The following CTNNA2 variants were observed in gnomAD, a reference collection of about 807,000 sequenced individuals.
CTNNA2 encodes the protein catenin alpha 2.
A neutral mutation model predicts 101.0 loss-of-function variants in CTNNA2; 42 were observed. The observed-to-expected ratio is 0.42, with a 90% CI of 0.32 to 0.54. The LOEUF is 0.54. CTNNA2 is among the 20% of genes least tolerant of loss of function. The probability of loss-of-function intolerance (pLI) is 0.14; values close to 1 mark genes in which losing one functional copy is unlikely to be tolerated. For missense variants in CTNNA2, 871 were observed against 1,223.1 expected, an observed-to-expected ratio of 0.71 and a Z score of 4.29; for synonymous variants, 450 against 456.4, an observed-to-expected ratio of 0.99 and a Z score of 0.18.
intron 3 of CTNNA2, among the ~76,000 whole-genome samples, chr2:79,808,316 T>A (rs1574020426): frequency 6.6e-6 from 1 of 152,106 alleles, no homozygotes; most frequent in African/African-American, 2.4e-5. Flanking sequence ...TTACACTGTG[T>A]TGCTGTTCAG....
At chr2:79,835,895 T>G (rs976076476) in intron 3 of CTNNA2, among the ~76,000 whole-genome samples, 2 of 152,058 alleles carry the variant, frequency 1.3e-5, no homozygotes, top group Non-Finnish European at 2.9e-5. Context: ...CATCCCAAAG[T>G]GTCAGAATTA....
At chr2:79,728,717 C>T (rs1254355356) in intron 2 of CTNNA2, among the ~76,000 whole-genome samples, 2 of 151,976 alleles carry the variant, frequency 1.3e-5, no homozygotes, top group African/African-American at 2.4e-5. Flanking sequence ...AGGTCTAATG[C>T]TTAAGTCTTT....
At chr2:79,839,775 T>C (rs1339603575) in intron 3 of CTNNA2, among the ~76,000 whole-genome samples, 1 of 152,162 alleles carries the variant, frequency 6.6e-6, no homozygotes, top group Non-Finnish European at 1.5e-5. Context: ...CCTTAGTTCA[T>C]ATTTTCAAGT....
intron 7 of CTNNA2, among the ~76,000 whole-genome samples, chr2:80,193,703 C>T (rs969945761): frequency 6.6e-6 from 1 of 152,130 alleles, no homozygotes; most frequent in African/African-American, 2.4e-5. Flanking sequence ...GTGGTTTGAG[C>T]TCTTATCATG....
At chr2:80,111,592 TGCAGTGTG>T (rs1381929488) in intron 7 of CTNNA2, among the ~76,000 whole-genome samples, 1 of 152,138 alleles carries the variant, frequency 6.6e-6, no homozygotes, top group Non-Finnish European at 1.5e-5. Flanking sequence ...CAGGCTAGAG[TGCAGTGTG>T]GCAAGATTAT....
At chr2:79,350,638 T>A (rs1483430968) in intron 3 of CTNNA2, among the ~76,000 whole-genome samples, 1 of 152,202 alleles carries the variant, frequency 6.6e-6, no homozygotes, top group Non-Finnish European at 1.5e-5. Flanking sequence ...TTCATTTTCC[T>A]TTAGATAGAT....
intron 7 of CTNNA2, among the ~76,000 whole-genome samples, chr2:80,282,499 A>G (rs966577498): frequency 2.6e-5 from 4 of 152,134 alleles, no homozygotes; most frequent in Non-Finnish European, 5.9e-5. Flanking sequence ...AGAAGTAGAT[A>G]GAATAATACA....
chr2:80,607,061 T>G (rs111982524), intron 16 of CTNNA2, among the ~76,000 whole-genome samples: 18 of 152,042 alleles, frequency 1.2e-4, no homozygotes, highest in African/African-American at 4.1e-4. Context: ...AAAATATCCC[T>G]TTATCATTTA....
intron 7 of CTNNA2, among the ~76,000 whole-genome samples, chr2:80,138,912 C>CT (rs1396062927): frequency 1.3e-5 from 2 of 152,026 alleles, no homozygotes; most frequent in African/African-American, 4.8e-5. Context: ...GCCCCTCTCC[C>CT]TTTTTTGCTG....
intron 7 of CTNNA2, among the ~76,000 whole-genome samples, chr2:80,143,631 T>G (rs1383427471): frequency 6.6e-6 from 1 of 152,106 alleles, no homozygotes; most frequent in African/African-American, 2.4e-5. Context: ...GAAGATAGAT[T>G]TCACGATATT....
intron 7 of CTNNA2, among the ~76,000 whole-genome samples, chr2:80,328,683 G>A (rs1671042903): frequency 6.6e-6 from 1 of 152,208 alleles, no homozygotes; most frequent in Admixed American, 6.5e-5. Context: ...GTGTGTGAAT[G>A]TATTTGTGCA....
chr2:79,278,163 G>C (rs1022320233), intron 2 of CTNNA2, among the ~76,000 whole-genome samples: 3 of 152,110 alleles, frequency 2.0e-5, no homozygotes, highest in African/African-American at 7.2e-5. Context: ...TGGCTGCAAA[G>C]CAGCTGGCGT....
At chr2:80,203,408 G>A (rs887043641) in intron 7 of CTNNA2, among the ~76,000 whole-genome samples, 1 of 152,170 alleles carries the variant, frequency 6.6e-6, no homozygotes, top group African/African-American at 2.4e-5. Flanking sequence ...ACAGACATTG[G>A]GTAAATACAC....
At chr2:80,444,737 G>C (rs571344226) in intron 9 of CTNNA2, among the ~76,000 whole-genome samples, 2 of 152,224 alleles carry the variant, frequency 1.3e-5, no homozygotes, top group African/African-American at 4.8e-5. Flanking sequence ...TACCTTGTGA[G>C]GACATAGCAA....
chr2:80,285,616 G>T (rs1348993735), intron 7 of CTNNA2, among the ~76,000 whole-genome samples: 1 of 152,070 alleles, frequency 6.6e-6, no homozygotes, highest in Non-Finnish European at 1.5e-5. Context: ...CCTTTATTTT[G>T]TCCCAGTGAG....
intron 7 of CTNNA2, among the ~76,000 whole-genome samples, chr2:80,307,498 T>C (rs1018382713): frequency 1.3e-5 from 2 of 152,148 alleles, no homozygotes; most frequent in African/African-American, 4.8e-5. Flanking sequence ...AAAGCTCACC[T>C]GAAGTTTTTT....
At chr2:80,490,287 C>CA (rs1330784785) in intron 9 of CTNNA2, among the ~76,000 whole-genome samples, 1 of 94,078 alleles carries the variant, frequency 1.1e-5, no homozygotes, top group East Asian at 4.6e-4. Context: ...CCCACCCCCC[C>CA]CCCGGTAAAG....
chr2:79,641,679 A>G (rs1680458081), intron 1 of CTNNA2, among the ~76,000 whole-genome samples: 1 of 152,228 alleles, frequency 6.6e-6, no homozygotes, highest in Non-Finnish European at 1.5e-5. Flanking sequence ...GTTGATACTC[A>G]AGTGGAAAAC....
At chr2:79,848,492 G>T (rs1434144782) in intron 3 of CTNNA2, among the ~76,000 whole-genome samples, 1 of 152,156 alleles carries the variant, frequency 6.6e-6, no homozygotes, top group Non-Finnish European at 1.5e-5. Context: ...CCATATTGCG[G>T]CTTCATAATC....
Sources: allele counts gnomAD v4.1 joint callset (sites outside exome capture counted in the v4.1 genomes callset), GRCh38; gene constraint gnomAD v4.1.1; transcripts MANE v1.5; gene names NCBI Gene and HGNC (gene_info 2026-07-23, HGNC 2026-07-21).